The following TMEM200A variants were observed in gnomAD, a reference collection of about 807,000 sequenced individuals.
TMEM200A encodes the protein transmembrane protein 200A.
A neutral mutation model predicts 24.3 loss-of-function variants in TMEM200A; 12 were observed. That is an observed-to-expected ratio of 0.49 (90% CI 0.32 to 0.80). The LOEUF is 0.80. TMEM200A is among the 30% of genes least tolerant of loss of function. The pLI, the probability that TMEM200A is intolerant of heterozygous loss-of-function variation, is 0.04. For missense variants in TMEM200A, 545 were observed against 614.4 expected (o/e 0.89, Z 1.19); for synonymous variants, 224 against 224.4 (o/e 1.00, Z 0.02).
At chr6:130,395,104 C>T (rs1220739492) in intron 2 of TMEM200A, among the ~76,000 whole-genome samples, 1 of 152,202 alleles carries the variant, frequency 6.6e-6, no homozygotes, top group African/African-American at 2.4e-5. Flanking sequence ...TGTATTAGGT[C>T]TACTCAATAC....
Position 130,391,731 on chromosome 6 carries a change from C to CTTTT in TMEM200A, c.-17+6521_-17+6524dup, listed in dbSNP as rs773093362. On this transcript the variant is annotated intron_variant, in intron 2 of 2. Coordinates refer to ENST00000296978, the MANE Select transcript of TMEM200A (RefSeq NM_001258277.2). ...CACTTCTTTTAAACCTTCAAGATTCCTTTTTTTTTTTTTTTTTTTTTTTTT... is the reference window on the plus strand; with the variant it reads ...CACTTCTTTTAAACCTTCAAGATTCCTTTTTTTTTTTTTTTTTTTTTTTTTTTTT... 2.2e-4 allele frequency among the ~76,000 whole-genome samples: 18 copies of CTTTT among 81,862 alleles called. 1 individual carries two copies. Among genetic ancestry groups the CTTTT allele is most frequent in the Non-Finnish European group, 3.8e-4 (17 of 45,152 alleles). The allele number at this position is 81,862 out of a possible 152,430, so 53.7% of individuals were successfully genotyped here. A position where few individuals can be genotyped will look rare whatever the true frequency, so the allele number is the denominator to read the frequency against.
intron 1 of TMEM200A, among the ~76,000 whole-genome samples, chr6:130,377,591 T>A (rs976866051): frequency 6.6e-6 from 1 of 152,190 alleles, no homozygotes; most frequent in African/African-American, 2.4e-5. Flanking sequence ...TGACCTAAGC[T>A]GCTCCTCCAA....
chr6:130,374,393 A>T (rs1778393692), intron 1 of TMEM200A, among the ~76,000 whole-genome samples: 1 of 147,040 alleles, frequency 6.8e-6, no homozygotes, highest in Non-Finnish European at 1.5e-5. Flanking sequence ...AAAATGCCTG[A>T]GTTTTTGTTT....
intron 1 of TMEM200A, among the ~76,000 whole-genome samples, chr6:130,376,735 C>A (rs942579983): frequency 6.6e-6 from 1 of 152,078 alleles, no homozygotes; most frequent in Non-Finnish European, 1.5e-5. Context: ...AAAAAATACA[C>A]AAGTATAATC....
rs759305041 is a variant in TMEM200A at position 130,441,190 on chromosome 6, C to A, written c.768C>A (p.Gly256=). The change falls in exon 3 of 3, where the codon GGC becomes GGA. Residue 256 remains glycine, a synonymous_variant. Coordinates refer to ENST00000296978, the MANE Select transcript of TMEM200A (RefSeq NM_001258277.2). ...LLSDSSVSVF[G]LYPPPSKTTD... is the part of the protein sequence containing the mutation. ...CTGACAGCTCTGTGTCTGTCTTTGG[C>A]CTCTATCCACCTCCTTCCAAGACAA... The A allele has an allele frequency of 6.8e-6, 11 of 1,613,894 alleles. No homozygotes were observed. Among genetic ancestry groups the A allele is most frequent in the Admixed American group, 1.7e-5 (1 of 59,994 alleles).
Position 130,441,075 on chromosome 6 carries a change from G to A in TMEM200A, c.653G>A (p.Ser218Asn). ...ATCGCCTCTTTCTCGGGTTTTCGGA[G>A]CAGTTTTCGAATGGACAGCTCCGTG... ...NTIASFSGFR[S>N]SFRMDSSVEE... is the part of the protein sequence containing the mutation. The change falls in exon 3 of 3, where the codon AGC (serine) becomes AAC (asparagine). Residue 218 changes from serine (S) to asparagine (N), a missense_variant. Coordinates refer to ENST00000296978, the MANE Select transcript of TMEM200A (RefSeq NM_001258277.2). 6.2e-7 allele frequency: 1 copy of A among 1,614,032 alleles called. No homozygotes were observed. Among genetic ancestry groups the A allele is most frequent in the South Asian group, 1.1e-5 (1 of 91,068 alleles).
intron 2 of TMEM200A, among the ~76,000 whole-genome samples, chr6:130,396,367 T>G (rs867627001): frequency 6.6e-6 from 1 of 150,622 alleles, no homozygotes; most frequent in Non-Finnish European, 1.5e-5. Context: ...CCAGTCTGTT[T>G]TTTTTTTTTT....
chr6:130,432,069 A>T (rs1429832130), intron 2 of TMEM200A, among the ~76,000 whole-genome samples: 1 of 152,230 alleles, frequency 6.6e-6, no homozygotes, highest in Admixed American at 6.5e-5. Context: ...ATAAAATCAT[A>T]GCTTAAACTT....
chr6:130,433,941 G>T (rs2115218916), intron 2 of TMEM200A, among the ~76,000 whole-genome samples: 1 of 152,268 alleles, frequency 6.6e-6, no homozygotes, highest in Admixed American at 6.5e-5. Context: ...TTCGTTAACT[G>T]CCACCACTTC....
At chr6:130,379,783 T>C (rs1562550724) in intron 1 of TMEM200A, among the ~76,000 whole-genome samples, 1 of 152,028 alleles carries the variant, frequency 6.6e-6, no homozygotes, top group Non-Finnish European at 1.5e-5. Flanking sequence ...AAGAGAAATA[T>C]GGAATGGAAA....
intron 2 of TMEM200A, among the ~76,000 whole-genome samples, chr6:130,432,507 A>G (rs1181168301): frequency 1.3e-5 from 2 of 152,216 alleles, no homozygotes; most frequent in Non-Finnish European, 2.9e-5. Context: ...TTCCATTCAG[A>G]TAGTTTTTGA....
At chr6:130,390,717 T>C (rs988089852) in intron 2 of TMEM200A, among the ~76,000 whole-genome samples, 3 of 152,176 alleles carry the variant, frequency 2.0e-5, no homozygotes, top group African/African-American at 7.2e-5. Context: ...GGAGGAGATA[T>C]CTGCTAGAAT....
intron 2 of TMEM200A, among the ~76,000 whole-genome samples, chr6:130,422,121 A>G (rs985408226): frequency 2.0e-5 from 3 of 152,106 alleles, no homozygotes; most frequent in Non-Finnish European, 4.4e-5. Context: ...TGATTGTTTG[A>G]GGAACCTTCA....
At chr6:130,392,840 C>T (rs56965013) in intron 2 of TMEM200A, among the ~76,000 whole-genome samples, 2,079 of 152,296 alleles carry the variant, frequency 0.014, 38 homozygotes, top group African/African-American at 0.047. Context: ...ACTTACGATG[C>T]ATAACTTGTG....
chr6:130,416,423 CTCTT>C (rs1307905181), intron 2 of TMEM200A, among the ~76,000 whole-genome samples: 2 of 152,092 alleles, frequency 1.3e-5, no homozygotes, highest in Non-Finnish European at 2.9e-5. Flanking sequence ...CAAAACTAAA[CTCTT>C]TCTTCAAACA....
At chr6:130,391,792 G>C (rs1415508103) in intron 2 of TMEM200A, among the ~76,000 whole-genome samples, 3 of 126,086 alleles carry the variant, frequency 2.4e-5, no homozygotes, top group Non-Finnish European at 4.7e-5. Flanking sequence ...GCCCAGGCTA[G>C]AGTGCAGTGG....
intron 2 of TMEM200A, among the ~76,000 whole-genome samples, chr6:130,434,821 C>T (rs1410526021): frequency 9.2e-5 from 14 of 152,040 alleles, no homozygotes; most frequent in South Asian, 8.3e-4. Flanking sequence ...GGCTTGAGTG[C>T]GGGCAAGAGT....
At chr6:130,375,976 T>G (rs2115076672) in intron 1 of TMEM200A, among the ~76,000 whole-genome samples, 1 of 146,026 alleles carries the variant, frequency 6.8e-6, no homozygotes, top group Non-Finnish European at 1.5e-5. Context: ...GGGGTTTTAA[T>G]ATAAATATAA....
intron 1 of TMEM200A, among the ~76,000 whole-genome samples, chr6:130,369,317 C>T (rs188675251): frequency 1.3e-5 from 2 of 152,232 alleles, no homozygotes; most frequent in African/African-American, 2.4e-5. Context: ...CACCAGTATG[C>T]GCCACTGCCT....
Sources: allele counts gnomAD v4.1 joint callset (sites outside exome capture counted in the v4.1 genomes callset), GRCh38; gene constraint gnomAD v4.1.1; transcripts MANE v1.5; gene names NCBI Gene and HGNC (gene_info 2026-07-23, HGNC 2026-07-21).